The following LNPEP variants were observed in gnomAD, a reference collection of about 807,000 sequenced individuals.
LNPEP encodes the protein leucyl-cystinyl aminopeptidase.
In LNPEP, 64 loss-of-function variants were observed where a neutral mutation model predicts 120.6. The ratio of observed to expected loss-of-function variants is 0.53; its 90% CI spans 0.43 to 0.65. The LOEUF is 0.65. Among genes scored for constraint, LNPEP ranks in the 30% least tolerant of loss-of-function variants. The pLI is 0.00. For synonymous variants in LNPEP, 435 were observed against 425.4 expected (o/e 1.02, Z -0.28); for missense variants, 1,057 against 1,200.0 (o/e 0.88, Z 1.76).
chr5:97,004,727 G>A (rs1258792696), intron 9 of LNPEP, among the ~76,000 whole-genome samples: 1 of 152,038 alleles, frequency 6.6e-6, no homozygotes, highest in East Asian at 1.9e-4. Flanking sequence ...CTAGCTGTTA[G>A]TCTTTTGCCC....
chr5:97,001,614 G>A (rs1315973497), intron 8 of LNPEP, among the ~76,000 whole-genome samples: 2 of 152,122 alleles, frequency 1.3e-5, no homozygotes. Context: ...TAGAGAAAAG[G>A]GGTCCAAAGA....
At chr5:96,961,675 A>G (rs1486099871) in intron 1 of LNPEP, among the ~76,000 whole-genome samples, 2 of 152,160 alleles carry the variant, frequency 1.3e-5, no homozygotes, top group Non-Finnish European at 2.9e-5. Context: ...CCAATATTCA[A>G]TCCCTGTATA....
intron 7 of LNPEP, among the ~76,000 whole-genome samples, chr5:96,997,515 C>T (rs1790542965): frequency 6.6e-6 from 1 of 151,968 alleles, no homozygotes; most frequent in Non-Finnish European, 1.5e-5. Context: ...CTGCTGAGCT[C>T]TTAAAGAATT....
rs74975288 is a variant in LNPEP, at chr5:96,971,650, T to C, written c.20-7488T>C. On this transcript the variant is annotated intron_variant, in intron 1 of 17. Coordinates refer to ENST00000231368, the MANE Select transcript of LNPEP (RefSeq NM_005575.3). ...ATGATCTGTCAAGTTTATGGACTCTTTCTTTTGCTGTCTCCAATCTGCCAT... is the reference window on the plus strand; with the variant it reads ...ATGATCTGTCAAGTTTATGGACTCTCTCTTTTGCTGTCTCCAATCTGCCAT... Among the ~76,000 whole-genome samples the C allele has an allele frequency of 2.7e-4, 41 of 152,126 alleles. 1 individual carries two copies. In the East Asian group the frequency reaches 6.8e-3, roughly 25 times the overall value.
At chr5:97,009,731 T>A (rs1790879930) in intron 11 of LNPEP, among the ~76,000 whole-genome samples, 1 of 152,126 alleles carries the variant, frequency 6.6e-6, no homozygotes, top group Non-Finnish European at 1.5e-5. Context: ...GTTTAGAGAG[T>A]CCACATGAAA....
At chr5:96,973,782 G>T (rs1271177480) in intron 1 of LNPEP, among the ~76,000 whole-genome samples, 1 of 152,108 alleles carries the variant, frequency 6.6e-6, no homozygotes, top group East Asian at 1.9e-4. Context: ...AAATGTGATG[G>T]CAGCTTAAAG....
intron 9 of LNPEP, among the ~76,000 whole-genome samples, 181 bp from the exon 10 acceptor site, chr5:97,005,892 T>C (rs1790768525): frequency 6.6e-6 from 1 of 152,162 alleles, no homozygotes; most frequent in African/African-American, 2.4e-5. Flanking sequence ...AGTTGCTCAT[T>C]TACCTAGATT....
In LNPEP at chr5:97,028,552, A is replaced by C. The variant is rs776721387; in HGVS notation, c.*19A>C. On this transcript the variant is annotated 3_prime_UTR_variant, in exon 18 of 18. Coordinates refer to ENST00000231368, the MANE Select transcript of LNPEP (RefSeq NM_005575.3). ...GCTGTAGCATGCACAACCGCACCTC[A>C]TTTTGTTGCCCATTCAGAGAGCTTG... 6.2e-7 allele frequency: 1 copy of C among 1,611,588 alleles called. No individual in the cohort carries two copies. Among genetic ancestry groups the C allele is most frequent in the Non-Finnish European group, 8.5e-7 (1 of 1,178,712 alleles).
chr5:97,019,803 T>C (rs570517943), intron 13 of LNPEP, among the ~76,000 whole-genome samples: 2 of 152,294 alleles, frequency 1.3e-5, no homozygotes, highest in Non-Finnish European at 2.9e-5. Flanking sequence ...TTGACAGTTA[T>C]GAGTAGGATT....
At chr5:96,963,746 T>A (rs1384843267) in intron 1 of LNPEP, among the ~76,000 whole-genome samples, 1 of 152,088 alleles carries the variant, frequency 6.6e-6, no homozygotes, top group Non-Finnish European at 1.5e-5. Flanking sequence ...AAAAAGAATG[T>A]TTTGTTTATT....
chr5:97,027,460 A>G lies in LNPEP; in HGVS notation c.2865-273A>G, dbSNP rs1478301893. Among the ~76,000 whole-genome samples the G allele has an allele frequency of 2.0e-5, 3 of 152,106 alleles. No individual in the cohort carries two copies. In the East Asian group the frequency reaches 5.8e-4, roughly 29 times the overall value. On this transcript the variant is annotated intron_variant, in intron 16 of 17. Coordinates refer to ENST00000231368, the MANE Select transcript of LNPEP (RefSeq NM_005575.3). ...GGTTTTTTGCTTCTTTCTCTCTTTT[A>G]AATCAATAATGGCATTTCTGGGTGT... is the stretch of plus-strand genomic sequence containing the variant.
intron 7 of LNPEP, 121 bp downstream of exon 7, chr5:96,996,624 C>A: frequency 3.3e-6 from 2 of 611,166 alleles, no homozygotes; most frequent in Non-Finnish European, 5.8e-6. Context: ...GTATGCCAAA[C>A]TTGACTTTGG....
chr5:96,938,723 A>G (rs1413282448), intron 1 of LNPEP, among the ~76,000 whole-genome samples: 1 of 152,180 alleles, frequency 6.6e-6, no homozygotes, highest in African/African-American at 2.4e-5. Context: ...TTTAAAATGC[A>G]TATCCCTGGA....
At chr5:97,014,008 GA>G (rs1456861981) in intron 12 of LNPEP, among the ~76,000 whole-genome samples, 177 bp downstream of exon 12, 2 of 152,060 alleles carry the variant, frequency 1.3e-5, no homozygotes, top group Non-Finnish European at 2.9e-5. Context: ...CATTAGCTAC[GA>G]ACATACTGAA....
chr5:97,011,755 G>A (rs1790933839), intron 11 of LNPEP, among the ~76,000 whole-genome samples: 3 of 152,166 alleles, frequency 2.0e-5, no homozygotes, highest in Non-Finnish European at 4.4e-5. Flanking sequence ...TTTCCCATCT[G>A]TTGCTGTATC....
chr5:96,939,860 ATG>A (rs1020640622), intron 1 of LNPEP, among the ~76,000 whole-genome samples: 12 of 152,072 alleles, frequency 7.9e-5, no homozygotes, highest in Non-Finnish European at 1.3e-4. Context: ...TTCTATAGAT[ATG>A]TGAGTCTTTT....
chr5:96,977,404 G>C lies in LNPEP; in HGVS notation c.20-1734G>C, dbSNP rs2112974. On this transcript the variant is annotated intron_variant, in intron 1 of 17. Coordinates refer to ENST00000231368, the MANE Select transcript of LNPEP (RefSeq NM_005575.3). ...ATAGCGTGGAATAGCTGCCTGGCCT[G>C]TGCTCAAAATAGTAAGCAGTTTGGG... Among the ~76,000 whole-genome samples, 119 of 151,742 alleles carry C rather than the reference G, an allele frequency of 7.8e-4. 3 individuals are homozygous for C. In the East Asian group the frequency reaches 0.019, roughly 24 times the overall value.
At chr5:97,004,917 C>T (rs570466391) in intron 9 of LNPEP, among the ~76,000 whole-genome samples, 3 of 152,306 alleles carry the variant, frequency 2.0e-5, no homozygotes, top group African/African-American at 7.2e-5. Flanking sequence ...CTGCCTTTCT[C>T]ATTGACTGCA....
At chr5:96,980,501 T>TA (rs1282464537) in intron 2 of LNPEP, among the ~76,000 whole-genome samples, 1 of 152,202 alleles carries the variant, frequency 6.6e-6, no homozygotes, top group Non-Finnish European at 1.5e-5. Flanking sequence ...GTGTAAATTT[T>TA]TTTTAAGGTC....
Sources: allele counts gnomAD v4.1 joint callset (sites outside exome capture counted in the v4.1 genomes callset), GRCh38; gene constraint gnomAD v4.1.1; transcripts MANE v1.5; gene names NCBI Gene and HGNC (gene_info 2026-07-23, HGNC 2026-07-21).